The following TLE4 variants were observed in gnomAD, a reference collection of about 807,000 sequenced individuals.
The protein encoded by TLE4 is TLE family member 4, transcriptional corepressor.
A neutral mutation model predicts 92.8 loss-of-function variants in TLE4; 8 were observed. That is an observed-to-expected ratio of 0.09 (90% CI 0.05 to 0.16). The LOEUF (loss-of-function observed/expected upper bound fraction) is 0.16. TLE4 is among the 10% of genes least tolerant of loss of function. The pLI is 1.00. For synonymous variants in TLE4, 371 were observed against 374.1 expected, an observed-to-expected ratio of 0.99 and a Z score of 0.10; for missense variants, 675 against 997.6, an observed-to-expected ratio of 0.68 and a Z score of 4.36.
intron 4 of TLE4, among the ~76,000 whole-genome samples, chr9:79,584,023 G>A (rs569633701): frequency 6.6e-6 from 1 of 152,326 alleles, no homozygotes; most frequent in African/African-American, 2.4e-5. Flanking sequence ...AGTCAGGGAG[G>A]ATCAGCACGG....
At position 79,645,627 on chromosome 9, in the gene TLE4, C is replaced by A. The variant is rs368749919; in HGVS notation, c.391-6966C>A. Among the ~76,000 whole-genome samples, 9 of 152,314 alleles carry A rather than the reference C, an allele frequency of 5.9e-5. No individual in the cohort carries two copies. The South Asian group carries it at 6.2e-4, about 11-fold the overall frequency. On this transcript the variant is annotated intron_variant, in intron 6 of 19. Transcript: ENST00000376552. ...GCCAAACTTGAAACTGCAGGGAAAT[C>A]TTTGTTACAGAGAATCCAGAAAAGA...
At position 79,708,753 on chromosome 9, in the gene TLE4, C is replaced by T. The variant is rs771631218; in HGVS notation, c.1230C>T (p.Ala410=). 30 of 1,608,194 alleles carry T rather than the reference C, an allele frequency of 1.9e-5. No homozygotes were observed. Among genetic ancestry groups the T allele is most frequent in the East Asian group, 6.7e-5 (3 of 44,872 alleles). The change falls in exon 13 of 20, where the codon GCC becomes GCT. Residue 410 remains alanine (A), a synonymous_variant. Transcript: ENST00000376552. ...SPQMSAAAAA[A]AAAAAYGRSP... ...AGATGAGCGCAGCTGCTGCCGCCGC[C>T]GCTGCTGCTGCTGCCTATGGGAGAT...
rs1564040860 is a variant in TLE4, at chr9:79,572,722, C to T, written c.-69C>T. On this transcript the variant is annotated 5_prime_UTR_variant, in exon 1 of 20. Transcript: ENST00000376552. ...GCCGCCTCCGCTGCCGCGGCCGCCT[C>T]CTCTTCGGGGTCATTAAAGCCAATG... is the stretch of plus-strand genomic sequence containing the variant. The T allele has an allele frequency of 7.8e-6, 12 of 1,537,046 alleles. No homozygotes were observed. The highest frequency in any genetic ancestry group is 3.5e-5 in the South Asian group (3 of 86,146).
intron 6 of TLE4, among the ~76,000 whole-genome samples, chr9:79,650,891 G>A (rs1450225367): frequency 1.3e-5 from 2 of 151,944 alleles, no homozygotes; most frequent in Non-Finnish European, 2.9e-5. Context: ...TACTGTACTT[G>A]GACTTTTGTA....
intron 12 of TLE4, 59 bp downstream of exon 12, chr9:79,708,309 A>G: frequency 6.4e-7 from 1 of 1,571,758 alleles, no homozygotes; most frequent in South Asian, 1.1e-5. Context: ...ATTTAAAGCA[A>G]TTTAAGGAGT....
At chr9:79,609,155 T>A (rs1187004949) in intron 4 of TLE4, among the ~76,000 whole-genome samples, 2 of 152,082 alleles carry the variant, frequency 1.3e-5, no homozygotes, top group Non-Finnish European at 2.9e-5. Context: ...TGATAAATTT[T>A]CCAATGATTC....
At chr9:79,700,163 G>A (rs927236419) in intron 8 of TLE4, among the ~76,000 whole-genome samples, 6 of 150,286 alleles carry the variant, frequency 4.0e-5, no homozygotes, top group Non-Finnish European at 8.8e-5. Flanking sequence ...AGCCCGTGGG[G>A]CTGAGAATGG....
At chr9:79,645,862 A>T (rs1043442330) in intron 6 of TLE4, among the ~76,000 whole-genome samples, 1 of 152,146 alleles carries the variant, frequency 6.6e-6, no homozygotes, top group African/African-American at 2.4e-5. Context: ...TTGAGATAAG[A>T]GAGGTTTTTA....
chr9:79,679,619 A>G (rs1339684130), intron 8 of TLE4, among the ~76,000 whole-genome samples: 1 of 152,084 alleles, frequency 6.6e-6, no homozygotes, highest in Non-Finnish European at 1.5e-5. Flanking sequence ...TCTTTAGTTT[A>G]ATTAGATCCC....
intron 4 of TLE4, among the ~76,000 whole-genome samples, chr9:79,595,501 C>A (rs1217717874): frequency 6.6e-6 from 1 of 152,192 alleles, no homozygotes; most frequent in Admixed American, 6.5e-5. Context: ...AATGTGGGAA[C>A]TAGCTACTTT....
chr9:79,708,285 G>T lies in TLE4; in HGVS notation c.1069+35G>T, dbSNP rs1310837891. The T allele has an allele frequency of 2.5e-6, 4 of 1,607,790 alleles. No individual in the cohort carries two copies. The South Asian group carries it at 3.3e-5, about 13-fold the overall frequency. On this transcript the variant is annotated intron_variant, in intron 12 of 19. Transcript: ENST00000376552. ...AAAAAAGTTTTTTCTATATTTTTAT[G>T]CTCGTTTTTAAGAATTTAAAGCAAT... is the stretch of plus-strand genomic sequence containing the variant.
At chr9:79,675,435 T>G (rs1004448047) in intron 8 of TLE4, among the ~76,000 whole-genome samples, 1 of 152,204 alleles carries the variant, frequency 6.6e-6, no homozygotes, top group Non-Finnish European at 1.5e-5. Context: ...ATCATAGTGA[T>G]TTATACTTTA....
chr9:79,652,863 A>G (rs773420135), intron 7 of TLE4, 69 bp downstream of exon 7: 2 of 1,479,934 alleles, frequency 1.4e-6, no homozygotes, highest in East Asian at 2.3e-5. Flanking sequence ...TCTGGATGCT[A>G]TTGTTTATTC....
At chr9:79,709,730 T>C in intron 14 of TLE4, 31 bp downstream of exon 14, 10 of 1,604,584 alleles carry the variant, frequency 6.2e-6, no homozygotes, top group Non-Finnish European at 7.7e-6. Context: ...GTGCTCATTG[T>C]GTGTCAAACT....
chr9:79,718,864 A>G lies in TLE4; in HGVS notation c.1483A>G (p.Ile495Val), dbSNP rs767421804. 7 of 1,614,134 alleles carry G rather than the reference A, an allele frequency of 4.3e-6. No individual in the cohort carries two copies. The highest frequency in any genetic ancestry group is 3.3e-5 in the South Asian group (3 of 91,076). Residue 495 changes from isoleucine to valine, a missense_variant, in exon 15 of 20, where the codon ATC (isoleucine) becomes GTC (valine). Ile to Val is a conservative substitution (Grantham distance 29). This residue lies in a region of TLE4 where 170 missense variants were observed against 359.6 expected (regional missense o/e 0.47). Transcript: ENST00000376552. Reference sequence around the variant, plus strand: ...CGGGGAGGTGGTGTGCGCGGTGACCATCAGCAACCCCACGAGACACGTGTA... The same window carrying G: ...CGGGGAGGTGGTGTGCGCGGTGACCGTCAGCAACCCCACGAGACACGTGTA... ...NHGEVVCAVTISNPTRHVYTG... is the reference protein window; with the variant it reads ...NHGEVVCAVTVSNPTRHVYTG...
chr9:79,595,280 G>A (rs867536857), intron 4 of TLE4, among the ~76,000 whole-genome samples: 3 of 152,168 alleles, frequency 2.0e-5, no homozygotes, highest in African/African-American at 4.8e-5. Context: ...ATGTTGCTTC[G>A]GAGCAGTGAC....
chr9:79,582,902 C>G (rs143054277), intron 4 of TLE4, among the ~76,000 whole-genome samples: 1 of 152,062 alleles, frequency 6.6e-6, no homozygotes, highest in Non-Finnish European at 1.5e-5. Context: ...AGCACATTTA[C>G]GCATGGGCAA....
chr9:79,706,092 T>A (rs1322935532), intron 10 of TLE4, 150 bp downstream of exon 10: 1 of 776,152 alleles, frequency 1.3e-6, no homozygotes, highest in Non-Finnish European at 2.3e-6. Context: ...TTGCCCTGGC[T>A]AGAGTACAGT....
intron 4 of TLE4, among the ~76,000 whole-genome samples, chr9:79,600,850 A>G (rs1172322401): frequency 6.6e-6 from 1 of 152,160 alleles, no homozygotes. Flanking sequence ...CACACCTTGA[A>G]TTATCAGGAA....
Sources: gnomAD v4.1 joint callset for allele counts (sites outside exome capture counted in the v4.1 genomes callset) on GRCh38, gnomAD v4.1.1 for gene constraint, gnomAD v4.1.1 regional missense constraint, MANE v1.5 for transcripts, NCBI Gene and HGNC (gene_info 2026-07-23, HGNC 2026-07-21) for gene names.